FARP2: variants seen among roughly 807,000 people sequenced by gnomAD.
The protein encoded by FARP2 is FERM, ARH/RhoGEF and pleckstrin domain protein 2.
Under a neutral mutation model 130.5 loss-of-function variants are expected in FARP2, and 111 were observed. The ratio of observed to expected loss-of-function variants is 0.85; its 90% CI spans 0.73 to 1.00. The LOEUF (loss-of-function observed/expected upper bound fraction) is 1.00, where lower values mean the gene tolerates loss of function less well. Ranked by LOEUF, FARP2 falls within the 50% of genes least tolerant of loss-of-function variation. FARP2 has a pLI of 0.00. For synonymous variants in FARP2, 504 were observed against 516.9 expected (o/e 0.98, Z 0.34); for missense variants, 1,385 against 1,346.3 (o/e 1.03, Z -0.45).
chr2:241,404,733 A>G (rs1158120664), intron 3 of FARP2, 66 bp from the exon 4 acceptor site: 6 of 1,270,718 alleles, frequency 4.7e-6, no homozygotes, highest in Non-Finnish European at 6.8e-6. Context: ...TTTTGTTTTT[A>G]TAGCATACTT....
intron 2 of FARP2, among the ~76,000 whole-genome samples, chr2:241,397,973 G>A (rs2062072022): frequency 6.6e-6 from 1 of 151,726 alleles, no homozygotes; most frequent in African/African-American, 2.4e-5. Context: ...GGGACTACAG[G>A]CGCCTGCCAC....
intron 8 of FARP2, among the ~76,000 whole-genome samples, chr2:241,430,499 T>A (rs143054279): frequency 6.6e-6 from 1 of 152,272 alleles, no homozygotes; most frequent in East Asian, 1.9e-4. Context: ...CCTCTATATC[T>A]GTGTCTGTAT....
chr2:241,397,551 AT>A (rs575983703), intron 2 of FARP2, among the ~76,000 whole-genome samples: 1 of 152,210 alleles, frequency 6.6e-6, no homozygotes, highest in East Asian at 1.9e-4. Context: ...CTGCGTGACC[AT>A]TTTAAAAGAG....
chr2:241,462,349 T>A (rs1321564653), intron 14 of FARP2, among the ~76,000 whole-genome samples, 174 bp from the exon 15 acceptor site: 1 of 152,232 alleles, frequency 6.6e-6, no homozygotes, highest in Non-Finnish European at 1.5e-5. Flanking sequence ...TCCAAAAGAA[T>A]AACAGGATTA....
chr2:241,413,632 G>A (rs944350327), intron 7 of FARP2, among the ~76,000 whole-genome samples: 17 of 152,346 alleles, frequency 1.1e-4, no homozygotes, highest in East Asian at 5.8e-4. Context: ...ACACCTGCAC[G>A]ATGTGCTGCT....
At chr2:241,382,840 T>G (rs1048320281) in intron 2 of FARP2, among the ~76,000 whole-genome samples, 19 of 152,248 alleles carry the variant, frequency 1.2e-4, no homozygotes, top group Non-Finnish European at 2.9e-5. Context: ...GGATTTTTAT[T>G]CACATTTTCA....
chr2:241,463,492 C>T lies in FARP2; in HGVS notation c.1811+24C>T, dbSNP rs187964840. ...TGGTAACACCCCTTCAGCCCCCACA[C>T]GGGAGACTCCCACACCAACTCATCA... On this transcript the variant is annotated intron_variant, in intron 16 of 26. Coordinates refer to ENST00000264042, the MANE Select transcript of FARP2 (RefSeq NM_014808.4). 1,159 of 1,608,180 alleles carry T rather than the reference C, an allele frequency of 7.2e-4. 1 individual carries two copies. The highest frequency in any genetic ancestry group is 8.7e-4 in the Admixed American group (52 of 59,836).
At chr2:241,364,083 A>T (rs1385792615) in intron 1 of FARP2, among the ~76,000 whole-genome samples, 1 of 152,246 alleles carries the variant, frequency 6.6e-6, no homozygotes, top group African/African-American at 2.4e-5. Flanking sequence ...GTACGAATCA[A>T]CTAGCCTGGA....
At chr2:241,366,135 A>ACATATATATATATACGTATATATATG (rs2061314109) in intron 1 of FARP2, among the ~76,000 whole-genome samples, 1 of 140,788 alleles carries the variant, frequency 7.1e-6, no homozygotes, top group Non-Finnish European at 1.5e-5. Context: ...ATATATATAT[A>ACATATATATATATACGTATATATATG]TATACACACA....
chr2:241,417,392 T>G (rs1429486699), intron 7 of FARP2, among the ~76,000 whole-genome samples: 4 of 152,156 alleles, frequency 2.6e-5, no homozygotes, highest in Non-Finnish European at 5.9e-5. Context: ...ATTATTAGTA[T>G]TATTATTGTT....
intron 1 of FARP2, among the ~76,000 whole-genome samples, 195 bp downstream of exon 1, chr2:241,356,583 G>C (rs1356953791): frequency 6.6e-6 from 1 of 152,228 alleles, no homozygotes; most frequent in Non-Finnish European, 1.5e-5. Context: ...GGTTAGAGGA[G>C]CGTCCGTCTG....
intron 1 of FARP2, among the ~76,000 whole-genome samples, chr2:241,371,383 C>G (rs1051062836): frequency 6.6e-6 from 1 of 152,186 alleles, no homozygotes; most frequent in Non-Finnish European, 1.5e-5. Flanking sequence ...ACGCCAGAGG[C>G]TGAGGTGGGA....
At chr2:241,421,923 C>G (rs2062818749) in intron 8 of FARP2, among the ~76,000 whole-genome samples, 1 of 152,110 alleles carries the variant, frequency 6.6e-6, no homozygotes, top group African/African-American at 2.4e-5. Context: ...GTGGGCAGAT[C>G]ACTTGAGGTC....
chr2:241,484,630 C>T (rs545416667), intron 21 of FARP2, among the ~76,000 whole-genome samples: 6 of 152,346 alleles, frequency 3.9e-5, no homozygotes, highest in Admixed American at 6.5e-5. Flanking sequence ...GCCTGCTCCC[C>T]GCAAGCTTAG....
In FARP2 at chr2:241,459,021, G is replaced by A. The variant is rs968909154; in HGVS notation, c.1587+2099G>A. Reference sequence around the variant, plus strand: ...TGTGGGCACCCTCAGCCCTGACGTGGTGTCTCCTGTTGCCTCTCCTCAACA... The same window carrying A: ...TGTGGGCACCCTCAGCCCTGACGTGATGTCTCCTGTTGCCTCTCCTCAACA... On this transcript the variant is annotated intron_variant, in intron 14 of 26. Coordinates refer to ENST00000264042, the MANE Select transcript of FARP2 (RefSeq NM_014808.4). This position sits in a 1 kb window ranked among gnomAD's most constrained non-coding sequence, Gnocchi z 5.3. Among the ~76,000 whole-genome samples the A allele has an allele frequency of 2.0e-5, 3 of 152,276 alleles. No individual in the cohort carries two copies. Among genetic ancestry groups the A allele is most frequent in the Non-Finnish European group, 4.4e-5 (3 of 68,048 alleles).
chr2:241,490,149 C>A, intron 22 of FARP2, 105 bp downstream of exon 22: 1 of 799,300 alleles, frequency 1.3e-6, no homozygotes, highest in Non-Finnish European at 2.2e-6. Flanking sequence ...GCCATGTAGC[C>A]TCATGGGGTT....
chr2:241,368,905 A>G (rs1446734584), intron 1 of FARP2, among the ~76,000 whole-genome samples: 3 of 152,168 alleles, frequency 2.0e-5, no homozygotes, highest in Non-Finnish European at 4.4e-5. Context: ...AGTAATTATT[A>G]AACGGATAGT....
intron 2 of FARP2, among the ~76,000 whole-genome samples, chr2:241,380,478 T>C (rs999731661): frequency 6.6e-6 from 1 of 152,170 alleles, no homozygotes; most frequent in Non-Finnish European, 1.5e-5. Context: ...ACAGGTTGAG[T>C]ATCCCTTATC....
At chr2:241,477,425 G>T (rs1172157963) in intron 19 of FARP2, among the ~76,000 whole-genome samples, 2 of 152,094 alleles carry the variant, frequency 1.3e-5, no homozygotes, top group Non-Finnish European at 2.9e-5. Context: ...ACCGTGCCCG[G>T]CCTCATGTTC....
Sources: gnomAD v4.1 joint callset for allele counts (sites outside exome capture counted in the v4.1 genomes callset) on GRCh38, gnomAD v4.1.1 for gene constraint, Gnocchi (gnomAD v3.1) non-coding constraint, MANE v1.5 for transcripts, NCBI Gene and HGNC (gene_info 2026-07-23, HGNC 2026-07-21) for gene names.